The following TBC1D22A variants were observed in gnomAD, a reference collection of about 807,000 sequenced individuals.
TBC1D22A encodes putative GTPase activator.
In TBC1D22A, 38 loss-of-function variants were observed where a neutral mutation model predicts 60.2. That is an observed-to-expected ratio of 0.63 (90% CI 0.49 to 0.83). The LOEUF (loss-of-function observed/expected upper bound fraction) is 0.83, where lower values mean the gene tolerates loss of function less well. TBC1D22A is among the 40% of genes least tolerant of loss of function. The pLI is 0.00. For missense variants in TBC1D22A, 628 were observed against 701.0 expected (o/e 0.90, Z 1.18); for synonymous variants, 302 against 281.7 (o/e 1.07, Z -0.72).
chr22:46,849,834 T>G (rs1201292247), intron 4 of TBC1D22A, among the ~76,000 whole-genome samples: 1 of 152,222 alleles, frequency 6.6e-6, no homozygotes, highest in Non-Finnish European at 1.5e-5. Flanking sequence ...TTATGATTGC[T>G]CTTTCTATGA....
chr22:46,924,919 C>T (rs2070964503), intron 8 of TBC1D22A, among the ~76,000 whole-genome samples: 1 of 152,078 alleles, frequency 6.6e-6, no homozygotes, highest in Non-Finnish European at 1.5e-5. Flanking sequence ...AGGTAAAATC[C>T]CCACAGCCGG....
At chr22:46,960,770 C>T (rs113024154) in intron 8 of TBC1D22A, among the ~76,000 whole-genome samples, 4,603 of 151,950 alleles carry the variant, frequency 0.03, 234 homozygotes, top group African/African-American at 0.11. Context: ...CACGGTGAAA[C>T]GCTGTCTCGA....
intron 4 of TBC1D22A, among the ~76,000 whole-genome samples, chr22:46,819,992 C>G (rs1413997997): frequency 6.6e-6 from 1 of 152,054 alleles, no homozygotes; most frequent in Non-Finnish European, 1.5e-5. Flanking sequence ...AGGAATTTAT[C>G]CATTTTGTCT....
chr22:46,827,458 G>T (rs575496928), intron 4 of TBC1D22A, among the ~76,000 whole-genome samples: 20 of 152,316 alleles, frequency 1.3e-4, no homozygotes, highest in Middle Eastern at 6.8e-3. Context: ...AGGCATTTCA[G>T]CCACCCAGAG....
At chr22:47,112,928 T>C (rs950504611) in intron 12 of TBC1D22A, among the ~76,000 whole-genome samples, 2 of 152,220 alleles carry the variant, frequency 1.3e-5, no homozygotes, top group African/African-American at 4.8e-5. Context: ...CTCGTCACTT[T>C]GCACAGGGGA....
intron 4 of TBC1D22A, among the ~76,000 whole-genome samples, chr22:46,875,596 C>T (rs984898277): frequency 1.4e-4 from 21 of 151,950 alleles, no homozygotes; most frequent in Admixed American, 7.2e-4. Context: ...GGACTACAGG[C>T]GCCAGCCATG....
intron 10 of TBC1D22A, among the ~76,000 whole-genome samples, chr22:47,001,034 G>T (rs1314307733): frequency 6.6e-6 from 1 of 152,124 alleles, no homozygotes; most frequent in South Asian, 2.1e-4. Flanking sequence ...GGCGCCTCAT[G>T]TAGTGCCTGC....
chr22:46,891,468 T>C, intron 6 of TBC1D22A, 74 bp downstream of exon 6: 1 of 1,480,332 alleles, frequency 6.8e-7, no homozygotes, highest in East Asian at 2.5e-5. Flanking sequence ...AGGAAATGTT[T>C]TATCAAAACC....
At chr22:46,941,935 A>G (rs1318658889) in intron 8 of TBC1D22A, among the ~76,000 whole-genome samples, 2 of 34,332 alleles carry the variant, frequency 5.8e-5, no homozygotes, top group African/African-American at 2.1e-4. Context: ...ATGTATGTAT[A>G]CACACACACA....
chr22:46,946,174 G>A (rs2072525223), intron 8 of TBC1D22A, among the ~76,000 whole-genome samples: 1 of 152,210 alleles, frequency 6.6e-6, no homozygotes, highest in South Asian at 2.1e-4. Context: ...GGACGGGCCA[G>A]CATAAGCTTG....
chr22:46,773,528 C>T (rs1446665551), intron 1 of TBC1D22A, among the ~76,000 whole-genome samples: 1 of 152,046 alleles, frequency 6.6e-6, no homozygotes, highest in African/African-American at 2.4e-5. Flanking sequence ...ACAATGGTGC[C>T]ATCTCAGCTC....
chr22:46,852,365 CT>C (rs113741436), intron 4 of TBC1D22A, among the ~76,000 whole-genome samples: 67 of 152,360 alleles, frequency 4.4e-4, no homozygotes, highest in African/African-American at 1.6e-3. Context: ...GTGTGCCCCC[CT>C]GTCTGTGGTC....
intron 1 of TBC1D22A, among the ~76,000 whole-genome samples, chr22:46,782,704 C>A (rs1257051489): frequency 6.6e-6 from 1 of 152,160 alleles, no homozygotes; most frequent in African/African-American, 2.4e-5. Context: ...TTTGCCTGTT[C>A]TGGATGTTGT....
chr22:47,109,459 G>T (rs540369738), intron 11 of TBC1D22A, among the ~76,000 whole-genome samples: 1 of 152,330 alleles, frequency 6.6e-6, no homozygotes, highest in East Asian at 1.9e-4. Flanking sequence ...TTCATGTTCT[G>T]TGGTCTGGCC....
rs11913271 is a variant in TBC1D22A at position 47,163,045 on chromosome 22, G to T, written c.1426-10453G>T. ...GGCCCCGGAGACCAAAGGAGACGGGGCAAGTGGAGCTGGGCCTGGGCCAGG... is the reference window on the plus strand; with the variant it reads ...GGCCCCGGAGACCAAAGGAGACGGGTCAAGTGGAGCTGGGCCTGGGCCAGG... On this transcript the variant is annotated intron_variant, in intron 12 of 12. Coordinates refer to ENST00000337137, the MANE Select transcript of TBC1D22A (RefSeq NM_014346.5). Among the ~76,000 whole-genome samples, 1,412 of 152,336 alleles carry T rather than the reference G, an allele frequency of 9.3e-3. 24 individuals carry two copies. The highest frequency in any genetic ancestry group is 0.033 in the African/African-American group (1,361 of 41,576).
chr22:46,997,271 C>T (rs6009092), intron 9 of TBC1D22A, among the ~76,000 whole-genome samples: 47,211 of 152,158 alleles, frequency 0.31, 7,567 homozygotes, highest in African/African-American at 0.39. Context: ...TCCAGGTGGC[C>T]AGCGAGGTGG....
At chr22:46,859,994 C>G (rs1255303260) in intron 4 of TBC1D22A, among the ~76,000 whole-genome samples, 21 of 20,998 alleles carry the variant, frequency 1.0e-3, no homozygotes, top group African/African-American at 4.7e-3. Flanking sequence ...AATCCTTTTC[C>G]ATAGAGGTCC....
chr22:47,017,173 G>A (rs886296432), intron 10 of TBC1D22A, among the ~76,000 whole-genome samples: 5 of 152,182 alleles, frequency 3.3e-5, no homozygotes, highest in Admixed American at 2.6e-4. Flanking sequence ...AGCTTGGTGC[G>A]GGAGACCTTT....
intron 4 of TBC1D22A, 80 bp downstream of exon 4, chr22:46,797,700 T>C: frequency 7.1e-7 from 1 of 1,400,038 alleles, no homozygotes; most frequent in African/African-American, 1.5e-5. Flanking sequence ...AAGGATTCTA[T>C]GTATGCTTAT....
Sources: gnomAD v4.1 joint callset for allele counts (sites outside exome capture counted in the v4.1 genomes callset) on GRCh38, gnomAD v4.1.1 for gene constraint, MANE v1.5 for transcripts, NCBI Gene and HGNC (gene_info 2026-07-23, HGNC 2026-07-21) for gene names.